ZNF334: variants seen among roughly 807,000 people sequenced by gnomAD.
ZNF334 encodes the protein zinc finger protein 334.
In ZNF334, 14 loss-of-function variants were observed where a neutral mutation model predicts 12.4. The observed-to-expected ratio is 1.13, with a 90% CI of 0.74 to 1.76. The LOEUF (loss-of-function observed/expected upper bound fraction) is 1.76, where lower values mean the gene tolerates loss of function less well. Among genes scored for constraint, ZNF334 ranks in the 40% most tolerant of loss-of-function variants. The pLI is 0.00. For synonymous variants in ZNF334, 273 were observed against 269.6 expected (o/e 1.01, Z -0.12); for missense variants, 797 against 804.5 (o/e 0.99, Z 0.11).
chr20:46,502,217 C>A lies in ZNF334; in HGVS notation c.1122G>T (p.Glu374Asp), dbSNP rs762247567. Residue 374 changes from glutamate (E) to aspartate (D), a missense_variant, in exon 5 of 5, where the codon GAG becomes GAT. Coordinates refer to ENST00000692313, the MANE Select transcript of ZNF334 (RefSeq NM_001353824.2). ...CACATTCCTTACATTCATTTGGCTT[C>A]TCTCCTCTGTGAGTTCTTTGATGTA... ...LVVHQRTHRGEKPNECKECGK... is the reference protein window; with the variant it reads ...LVVHQRTHRGDKPNECKECGK... The A allele has an allele frequency of 8.1e-6, 13 of 1,613,954 alleles. No individual in the cohort carries two copies. The highest frequency in any genetic ancestry group is 9.3e-6 in the Non-Finnish European group (11 of 1,180,016).
the ZNF334 span, chr20:46,464,047 G>A: frequency 7.9e-6 from 5 of 633,642 alleles, no homozygotes; most frequent in South Asian, 6.9e-5. Flanking sequence ...GTTGTCAAAG[G>A]GGTCATTGTT....
At chr20:46,488,806 T>G in the ZNF334 span, among the ~76,000 whole-genome samples, 3 of 148,612 alleles carry the variant, frequency 2.0e-5, no homozygotes, top group Non-Finnish European at 3.0e-5. Flanking sequence ...AGTTAATAGT[T>G]TTTTTTTTTT....
At chr20:46,475,556 A>G in the ZNF334 span, among the ~76,000 whole-genome samples, 3 of 152,110 alleles carry the variant, frequency 2.0e-5, no homozygotes, top group Middle Eastern at 3.4e-3. Context: ...ATATACAAAG[A>G]CCTCTCGAAA....
intron 2 of ZNF334, among the ~76,000 whole-genome samples, chr20:46,508,872 T>C (rs1403115592): frequency 6.6e-6 from 1 of 152,212 alleles, no homozygotes; most frequent in Admixed American, 6.5e-5. Flanking sequence ...GAACACATAG[T>C]ATTTTTATAT....
the ZNF334 span, among the ~76,000 whole-genome samples, chr20:46,473,914 G>A: frequency 1.3e-5 from 2 of 152,222 alleles, no homozygotes; most frequent in Non-Finnish European, 1.5e-5. Context: ...TATTGGGATT[G>A]TATGTGACCC....
At chr20:46,472,930 T>C in the ZNF334 span, among the ~76,000 whole-genome samples, 1 of 152,198 alleles carries the variant, frequency 6.6e-6, no homozygotes, top group Non-Finnish European at 1.5e-5. Context: ...TGACAGGATT[T>C]GTTGATTACT....
chr20:46,468,601 T>C, the ZNF334 span, among the ~76,000 whole-genome samples: 1 of 152,104 alleles, frequency 6.6e-6, no homozygotes, highest in Non-Finnish European at 1.5e-5. Flanking sequence ...CACTTTTAAA[T>C]ATATGCAAAT....
chr20:46,474,218 C>T, the ZNF334 span, among the ~76,000 whole-genome samples: 1 of 151,894 alleles, frequency 6.6e-6, no homozygotes, highest in African/African-American at 2.4e-5. Flanking sequence ...ACTAAAAATA[C>T]AAAAATTAGC....
chr20:46,510,173 CTT>C (rs910586410), intron 2 of ZNF334, among the ~76,000 whole-genome samples: 4 of 152,094 alleles, frequency 2.6e-5, no homozygotes, highest in Admixed American at 2.0e-4. Flanking sequence ...CGTGGAACCT[CTT>C]AAGTCATTTC....
chr20:46,487,800 T>A, the ZNF334 span, among the ~76,000 whole-genome samples: 7 of 152,198 alleles, frequency 4.6e-5, no homozygotes, highest in African/African-American at 1.7e-4. Flanking sequence ...CTAAAGTGAG[T>A]TTCTTGTAGT....
downstream of ZNF334, among the ~76,000 whole-genome samples, chr20:46,496,511 A>C (rs932273315): frequency 6.6e-6 from 1 of 152,196 alleles, no homozygotes; most frequent in African/African-American, 2.4e-5. Context: ...CCCTGAAGGG[A>C]AAGCAGGAGG....
the ZNF334 span, among the ~76,000 whole-genome samples, chr20:46,488,210 G>A: frequency 6.7e-6 from 1 of 148,680 alleles, no homozygotes; most frequent in South Asian, 2.1e-4. Context: ...CCTTTATTCT[G>A]CTTTATTATC....
At position 46,501,579 on chromosome 20, in the gene ZNF334, A is replaced by G; in HGVS notation, c.1760T>C (p.Phe587Ser). The change falls in exon 5 of 5, where the codon TTT becomes TCT. Residue 587 changes from phenylalanine (F) to serine (S), a missense_variant. By Grantham distance (155) the Phe-to-Ser change is radical. Transcript: ENST00000692313. ...AGTGTGAGTTCGCTGATGTTCAACA[A>G]AGGAGAACTTCTGACAGAAGGTTTT... Reference protein sequence around the residue: ...CGKTFCQKFSFVEHQRTHTGE... With the variant: ...CGKTFCQKFSSVEHQRTHTGE... The G allele has an allele frequency of 1.9e-6, 3 of 1,614,086 alleles. No individual in the cohort carries two copies. Among genetic ancestry groups the G allele is most frequent in the Non-Finnish European group, 2.5e-6 (3 of 1,179,990 alleles).
the ZNF334 span, among the ~76,000 whole-genome samples, chr20:46,473,471 T>TA: frequency 6.6e-6 from 1 of 152,248 alleles, no homozygotes; most frequent in African/African-American, 2.4e-5. Flanking sequence ...TGTAAGATGA[T>TA]AAACTTCTCC....
chr20:46,472,482 T>C, the ZNF334 span, among the ~76,000 whole-genome samples: 1 of 152,176 alleles, frequency 6.6e-6, no homozygotes, highest in African/African-American at 2.4e-5. Context: ...CCTGAGAAGA[T>C]AGCTTTTAAG....
chr20:46,473,267 A>G, the ZNF334 span, among the ~76,000 whole-genome samples: 1 of 152,178 alleles, frequency 6.6e-6, no homozygotes, highest in African/African-American at 2.4e-5. Flanking sequence ...TGTTCTAAGT[A>G]AGTTTCATTA....
the ZNF334 span, among the ~76,000 whole-genome samples, chr20:46,482,572 AT>A: frequency 6.6e-6 from 1 of 152,292 alleles, no homozygotes; most frequent in South Asian, 2.1e-4. Flanking sequence ...CAGATGAATA[AT>A]TTTTTAAAGA....
chr20:46,486,452 C>A, the ZNF334 span, among the ~76,000 whole-genome samples: 1 of 152,120 alleles, frequency 6.6e-6, no homozygotes, highest in African/African-American at 2.4e-5. Context: ...AAAATATGCA[C>A]GATTTTATAT....
chr20:46,494,068 C>T, the ZNF334 span, among the ~76,000 whole-genome samples: 1 of 152,280 alleles, frequency 6.6e-6, no homozygotes, highest in Non-Finnish European at 1.5e-5. Flanking sequence ...TATGGAGAAC[C>T]TATTACTGGG....
Sources: allele counts gnomAD v4.1 joint callset (sites outside exome capture counted in the v4.1 genomes callset), GRCh38; gene constraint gnomAD v4.1.1; transcripts MANE v1.5; gene names NCBI Gene and HGNC (gene_info 2026-07-23, HGNC 2026-07-21).